TNIK: variants seen among roughly 807,000 people sequenced by gnomAD.
TNIK encodes TRAF2 and NCK-interacting protein kinase.
A neutral mutation model predicts 191.3 loss-of-function variants in TNIK; 49 were observed. The ratio of observed to expected loss-of-function variants is 0.26; its 90% confidence interval spans 0.20 to 0.32. The LOEUF (loss-of-function observed/expected upper bound fraction) is 0.32. Ranked by LOEUF, TNIK falls within the 10% of genes least tolerant of loss-of-function variation. The pLI is 1.00. For synonymous variants in TNIK, 594 were observed against 600.9 expected (o/e 0.99, Z 0.17); for missense variants, 1,155 against 1,702.3 (o/e 0.68, Z 5.66).
chr3:171,437,550 CT>C (rs1726179242), intron 1 of TNIK, among the ~76,000 whole-genome samples: 1 of 56,444 alleles, frequency 1.8e-5, no homozygotes, highest in Non-Finnish European at 3.4e-5. Flanking sequence ...GGATTTATGG[CT>C]GCATTTATTC....
chr3:171,206,335 G>GTA (rs60356829), intron 4 of TNIK, among the ~76,000 whole-genome samples: 13,974 of 132,870 alleles, frequency 0.11, 1,668 homozygotes, highest in African/African-American at 0.29. Context: ...ATATGTTCGT[G>GTA]TATATATATA....
intron 2 of TNIK, among the ~76,000 whole-genome samples, chr3:171,351,715 T>C (rs1182497074): frequency 6.6e-6 from 1 of 152,200 alleles, no homozygotes; most frequent in Non-Finnish European, 1.5e-5. Flanking sequence ...TTACAGACTC[T>C]GCATCATGTA....
At chr3:171,368,180 C>T (rs1028264026) in intron 2 of TNIK, among the ~76,000 whole-genome samples, 4 of 152,116 alleles carry the variant, frequency 2.6e-5, no homozygotes, top group African/African-American at 9.7e-5. Flanking sequence ...AATTAGTGTA[C>T]CAAGCTGTGA....
intron 2 of TNIK, chr3:171,347,140 A>C (rs1463116156): frequency 3.3e-6 from 5 of 1,520,306 alleles, no homozygotes; most frequent in Non-Finnish European, 4.4e-6. Flanking sequence ...TGGTGATGAA[A>C]TTCAGGAGAT....
chr3:171,286,031 T>G (rs1227788786), intron 2 of TNIK, among the ~76,000 whole-genome samples: 2 of 152,210 alleles, frequency 1.3e-5, no homozygotes, highest in East Asian at 1.9e-4. Context: ...GGGAGATGTC[T>G]AGTACACCCT....
chr3:171,186,311 A>C (rs1737361799), intron 7 of TNIK, among the ~76,000 whole-genome samples: 2 of 152,230 alleles, frequency 1.3e-5, no homozygotes, highest in African/African-American at 2.4e-5. Context: ...AAACTGTATA[A>C]GTGGATTAAA....
chr3:171,416,726 G>C (rs1039380580), intron 1 of TNIK, among the ~76,000 whole-genome samples: 4 of 152,092 alleles, frequency 2.6e-5, no homozygotes, highest in Non-Finnish European at 4.4e-5. Context: ...CCTCCACAGG[G>C]CATCTTTAAT....
chr3:171,155,202 G>A (rs1017207734), intron 12 of TNIK, among the ~76,000 whole-genome samples: 5 of 152,186 alleles, frequency 3.3e-5, no homozygotes, highest in Admixed American at 3.3e-4. Flanking sequence ...TGTAGTCCAA[G>A]TTCCTACTCA....
intron 2 of TNIK, among the ~76,000 whole-genome samples, chr3:171,337,235 A>G (rs533937931): frequency 2.6e-5 from 4 of 152,370 alleles, no homozygotes; most frequent in Admixed American, 2.6e-4. Context: ...GTTCCTATGA[A>G]GAAAAACAAA....
At chr3:171,443,295 C>T (rs774723951) in intron 1 of TNIK, among the ~76,000 whole-genome samples, 2 of 152,166 alleles carry the variant, frequency 1.3e-5, no homozygotes, top group Non-Finnish European at 2.9e-5. Context: ...ATTGAAAAAT[C>T]GCAGCACTCC....
intron 2 of TNIK, among the ~76,000 whole-genome samples, chr3:171,247,068 AT>A (rs1745672512): frequency 6.6e-6 from 1 of 152,252 alleles, no homozygotes; most frequent in South Asian, 2.1e-4. Flanking sequence ...AGGATATGCA[AT>A]TGGAGAAGAC....
At chr3:171,373,603 T>A (rs879388057) in intron 1 of TNIK, among the ~76,000 whole-genome samples, 23 of 152,186 alleles carry the variant, frequency 1.5e-4, no homozygotes, top group African/African-American at 4.3e-4. Flanking sequence ...ATCATGACAC[T>A]CCATGATTTA....
At chr3:171,337,431 T>C (rs937675545) in intron 2 of TNIK, among the ~76,000 whole-genome samples, 2 of 152,178 alleles carry the variant, frequency 1.3e-5, no homozygotes, top group Non-Finnish European at 2.9e-5. Context: ...AAACGTTGAA[T>C]AAAGAAACAG....
chr3:171,306,758 A>G (rs1753496880), intron 2 of TNIK, among the ~76,000 whole-genome samples: 1 of 152,160 alleles, frequency 6.6e-6, no homozygotes. Context: ...GGAAGCTGAA[A>G]AGAAAAACAA....
At chr3:171,415,489 T>A (rs1722932047) in intron 1 of TNIK, among the ~76,000 whole-genome samples, 1 of 152,104 alleles carries the variant, frequency 6.6e-6, no homozygotes, top group Non-Finnish European at 1.5e-5. Context: ...AATCTCTACC[T>A]CTTCCAATTT....
At chr3:171,353,352 A>C (rs965022228) in intron 2 of TNIK, among the ~76,000 whole-genome samples, 5 of 152,180 alleles carry the variant, frequency 3.3e-5, no homozygotes, top group African/African-American at 1.2e-4. Context: ...GGGTAAGTTA[A>C]ATTTTGCAAG....
At chr3:171,225,781 A>G (rs1577175880) in intron 3 of TNIK, 1 of 358,588 alleles carries the variant, frequency 2.8e-6, no homozygotes, top group Admixed American at 3.8e-5. Context: ...TTTGAACATC[A>G]ACACACATTT....
intron 4 of TNIK, among the ~76,000 whole-genome samples, chr3:171,199,910 G>T (rs1739201069): frequency 2.0e-5 from 3 of 152,192 alleles, no homozygotes; most frequent in Non-Finnish European, 2.9e-5. Flanking sequence ...TTTCTGACAT[G>T]GAAGATAGCA....
intron 1 of TNIK, among the ~76,000 whole-genome samples, chr3:171,401,705 A>C (rs761767796): frequency 6.6e-6 from 1 of 152,200 alleles, no homozygotes; most frequent in Non-Finnish European, 1.5e-5. Flanking sequence ...AGAAATGTAG[A>C]AAGCAAGTGA....
Sources: gnomAD v4.1 joint callset for allele counts (sites outside exome capture counted in the v4.1 genomes callset) on GRCh38, gnomAD v4.1.1 for gene constraint, MANE v1.5 for transcripts, NCBI Gene and HGNC (gene_info 2026-07-23, HGNC 2026-07-21) for gene names.